KIR3DL1: variants seen among roughly 807,000 people sequenced by gnomAD.
KIR3DL1 encodes killer cell immunoglobulin like receptor, three Ig domains and long cytoplasmic tail 1.
In KIR3DL1, 50 loss-of-function variants were observed where a neutral mutation model predicts 40.3. The ratio of observed to expected loss-of-function variants is 1.24; its 90% CI spans 0.99 to 1.57. The LOEUF (loss-of-function observed/expected upper bound fraction) is 1.57. KIR3DL1 is among the 40% of genes most tolerant of loss of function. KIR3DL1 has a pLI of 0.00. For missense variants in KIR3DL1, 661 were observed against 559.9 expected, an observed-to-expected ratio of 1.18 and a Z score of -1.82; for synonymous variants, 257 against 207.2, an observed-to-expected ratio of 1.24 and a Z score of -2.07.
chr19:54,824,422 A>G (rs1186243658), intron 5 of KIR3DL1, among the ~76,000 whole-genome samples: 1 of 151,540 alleles, frequency 6.6e-6, no homozygotes, highest in Non-Finnish European at 1.5e-5. Flanking sequence ...CACACCTGCA[A>G]TTCCAGCACT....
chr19:54,819,641 T>C (rs1223952217), intron 3 of KIR3DL1, 72 bp from the exon 4 acceptor site: 5 of 1,518,408 alleles, frequency 3.3e-6, no homozygotes, highest in Non-Finnish European at 4.5e-6. Flanking sequence ...AGGGGAACCC[T>C]CACTCATTCC....
chr19:54,816,599 A>G lies in KIR3DL1; in HGVS notation c.34+65A>G, dbSNP rs1467433387. On this transcript the variant is annotated intron_variant, in intron 1 of 8. Transcript: ENST00000391728. ...TGGAGATCTGGACCTGGAGGTAAAG[A>G]TATGGGCCTAGAGGTGGAGTTATGG... The G allele has an allele frequency of 2.0e-6, 3 of 1,472,844 alleles. 1 individual carries two copies. Among genetic ancestry groups the G allele is most frequent in the East Asian group, 2.3e-5 (1 of 42,714 alleles). 91.2% of individuals were successfully genotyped at this position (1,472,844 alleles called of 1,614,324 possible). A position where few individuals can be genotyped will look rare whatever the true frequency, so the allele number is the denominator to read the frequency against.
chr19:54,821,562 C>A lies in KIR3DL1; in HGVS notation c.656-3C>A, dbSNP rs567184789. 125 of 1,603,810 alleles carry A rather than the reference C, an allele frequency of 7.8e-5. 3 individuals are homozygous for A. Among genetic ancestry groups the A allele is most frequent in the Non-Finnish European group, 9.7e-5 (114 of 1,175,176 alleles). ...CTGAGGAAACTGCCTCTTCTCCTTC[C>A]AGGTCCATATGAGAAACCTTCTCTC... On this transcript the variant is annotated splice_region_variant and splice_polypyrimidine_tract_variant and intron_variant, in intron 4 of 8. Transcript: ENST00000391728.
intron 3 of KIR3DL1, among the ~76,000 whole-genome samples, chr19:54,819,286 G>A (rs2061511852): frequency 1.9e-5 from 2 of 106,406 alleles, no homozygotes. Flanking sequence ...AGGATAGCCA[G>A]ATGTGGTGGT....
Position 54,817,470 on chromosome 19 carries a change from T to C in KIR3DL1, c.35-64T>C, listed in dbSNP as rs1337070026. The stretch of plus-strand genomic sequence containing the variant: ...CTGGCTGCCAAGACGCACAGCCCAG[T>C]GGGGGCAGCAGGGTGCCCTGGTTTG... On this transcript the variant is annotated intron_variant, in intron 1 of 8. Transcript: ENST00000391728. The C allele has an allele frequency of 5.3e-6, 7 of 1,321,170 alleles. 1 individual carries two copies. Among genetic ancestry groups the C allele is most frequent in the African/African-American group, 1.7e-5 (1 of 58,522 alleles). The allele number at this position is 1,321,170 out of a possible 1,614,324, so 81.8% of individuals were successfully genotyped here.
chr19:54,824,494 G>A (rs1312376358), intron 5 of KIR3DL1, among the ~76,000 whole-genome samples: 2 of 151,232 alleles, frequency 1.3e-5, no homozygotes, highest in East Asian at 3.9e-4. Context: ...CTGGCCAACA[G>A]AGTGAAACCT....
At chr19:54,823,839 T>G (rs1329522465) in intron 5 of KIR3DL1, among the ~76,000 whole-genome samples, 2 of 151,656 alleles carry the variant, frequency 1.3e-5, no homozygotes, top group African/African-American at 2.4e-5. Flanking sequence ...GTAATTTACA[T>G]TTCTCTGATG....
chr19:54,820,204 G>A (rs1310125553), intron 4 of KIR3DL1, among the ~76,000 whole-genome samples, 192 bp downstream of exon 4: 1 of 151,336 alleles, frequency 6.6e-6, no homozygotes, highest in Non-Finnish European at 1.5e-5. Flanking sequence ...CATAACAGAG[G>A]ACAGACACAG....
chr19:54,827,496 C>T (rs1226928452), intron 6 of KIR3DL1, among the ~76,000 whole-genome samples: 2 of 150,598 alleles, frequency 1.3e-5, no homozygotes, highest in Non-Finnish European at 2.9e-5. Flanking sequence ...CCTGTAATCC[C>T]AGCTCCTGCT....
At chr19:54,825,146 G>A (rs2061818443) in intron 6 of KIR3DL1, 68 bp downstream of exon 6, 7 of 1,035,038 alleles carry the variant, frequency 6.8e-6, no homozygotes, top group Admixed American at 1.7e-5. Flanking sequence ...GGATGCAAGT[G>A]TTGGCTCAAA....
chr19:54,819,783 G>T, exon 4 of KIR3DL1: 1 of 1,611,354 alleles, frequency 6.2e-7, no homozygotes, highest in Non-Finnish European at 8.5e-7. Context: ...GAGTCATCCT[G>T]CAATGTTGGT....
At chr19:54,829,950 G>T (rs1331400604) in exon 8 of KIR3DL1, 2 of 1,528,822 alleles carry the variant, frequency 1.3e-6, no homozygotes, top group African/African-American at 1.4e-5. Context: ...TGGACCAAGA[G>T]CCTGCAGGGA....
At chr19:54,830,699 T>G (rs1256026621) in exon 9 of KIR3DL1, 2 of 216,632 alleles carry the variant, frequency 9.2e-6, no homozygotes, top group Non-Finnish European at 1.8e-5. Context: ...TTTCCAGCCT[T>G]CTGTCAGCAG....
rs2061532556 is a variant in KIR3DL1, at chr19:54,819,733, C to T, written c.376C>T (p.Leu126Phe). Residue 126 changes from leucine to phenylalanine, a missense_variant, in exon 4 of 9, where the codon CTC (leucine) becomes TTC (phenylalanine). By Grantham distance (22) the Leu-to-Phe change is conservative. Coordinates refer to ENST00000391728, the Ensembl canonical transcript of KIR3DL1. ...TCTAGGAAACCACAGAAAACCTTCCCTCCTGGCCCACCCAGGTCCCCTGGT... is the reference window on the plus strand; with the variant it reads ...TCTAGGAAACCACAGAAAACCTTCCTTCCTGGCCCACCCAGGTCCCCTGGT... The T allele has an allele frequency of 1.9e-6, 3 of 1,609,218 alleles. No individual in the cohort carries two copies. The Admixed American group carries it at 5.0e-5, about 27-fold the overall frequency.
At chr19:54,820,036 T>C (rs2148094319) in intron 4 of KIR3DL1, 24 bp downstream of exon 4, 1 of 1,601,592 alleles carries the variant, frequency 6.2e-7, no homozygotes, top group South Asian at 1.1e-5. Context: ...GACATTGTTC[T>C]CATTGTCACT....
In KIR3DL1 at chr19:54,829,420, C is replaced by CGG. The variant is rs1569471849; in HGVS notation, c.1060_1061insGG (p.Leu354ArgfsTer20). ...CTCAGTGGTCATCATCCTCTTCATC[C>CGG]TCCTCCTCTTCTTTCTCCTTCATCT... is the stretch of plus-strand genomic sequence containing the variant. On this transcript the variant is annotated frameshift_variant, in exon 7 of 9. Transcript: ENST00000391728. LOFTEE classifies it high-confidence loss of function. 1.4e-6 allele frequency: 2 copies of CGG among 1,447,902 alleles called. No homozygotes were observed. Among genetic ancestry groups the CGG allele is most frequent in the East Asian group, 4.9e-5 (2 of 40,426 alleles). The allele number at this position is 1,447,902 out of a possible 1,614,324, so 89.7% of individuals were successfully genotyped here.
intron 3 of KIR3DL1, 132 bp downstream of exon 3, chr19:54,818,731 G>C: frequency 8.3e-7 from 1 of 1,199,468 alleles, no homozygotes; most frequent in Non-Finnish European, 1.2e-6. Context: ...TGAATACAGG[G>C]GAAATGGGTG....
intron 7 of KIR3DL1, 41 bp downstream of exon 7, chr19:54,829,506 G>A (rs1372392587): frequency 7.3e-7 from 1 of 1,373,926 alleles, no homozygotes. Flanking sequence ...TCAGGGCCAT[G>A]TGGGGAAGCA....
exon 4 of KIR3DL1, chr19:54,819,742 C>T: frequency 6.2e-7 from 1 of 1,609,826 alleles, no homozygotes; most frequent in Non-Finnish European, 8.5e-7. Context: ...CCTCCTGGCC[C>T]ACCCAGGTCC....
Sources: allele counts gnomAD v4.1 joint callset (sites outside exome capture counted in the v4.1 genomes callset), GRCh38; gene constraint gnomAD v4.1.1; transcripts MANE v1.5; gene names NCBI Gene and HGNC (gene_info 2026-07-23, HGNC 2026-07-21).